Variants in ULK2 observed in about 807,000 individuals in gnomAD.
ULK2 encodes the protein unc-51 like autophagy activating kinase 2.
A neutral mutation model predicts 127.5 loss-of-function variants in ULK2; 76 were observed. The observed-to-expected ratio is 0.60, with a 90% CI of 0.50 to 0.72. The LOEUF (loss-of-function observed/expected upper bound fraction) is 0.72, where lower values mean the gene tolerates loss of function less well. ULK2 is among the 30% of genes least tolerant of loss of function. ULK2 has a pLI of 0.00. For synonymous variants in ULK2, 452 were observed against 461.9 expected, an observed-to-expected ratio of 0.98 and a Z score of 0.28; for missense variants, 1,144 against 1,295.9, an observed-to-expected ratio of 0.88 and a Z score of 1.80.
chr17:19,814,449 T>TACA (rs1567696658), intron 13 of ULK2, among the ~76,000 whole-genome samples: 4 of 52,886 alleles, frequency 7.6e-5, no homozygotes, highest in African/African-American at 3.1e-4. Context: ...TTTTTTTTTT[T>TACA]TTTTTTTTTT....
intron 10 of ULK2, among the ~76,000 whole-genome samples, chr17:19,836,549 G>A (rs1390596425): frequency 1.3e-5 from 2 of 151,998 alleles, no homozygotes; most frequent in Admixed American, 1.3e-4. Context: ...AAGTTGCAGT[G>A]AGCCGAGATC....
intron 3 of ULK2, among the ~76,000 whole-genome samples, chr17:19,863,341 C>T (rs553213331): frequency 9.9e-5 from 15 of 152,120 alleles, no homozygotes; most frequent in African/African-American, 2.4e-4. Flanking sequence ...CGAATTCAAC[C>T]GTCCAGACTA....
intron 12 of ULK2, among the ~76,000 whole-genome samples, chr17:19,823,823 T>C (rs2041220811): frequency 6.6e-6 from 1 of 152,204 alleles, no homozygotes; most frequent in South Asian, 2.1e-4. Context: ...CATAATCTGC[T>C]TTATCTATTT....
At position 19,810,823 on chromosome 17, in the gene ULK2, T is replaced by G. The variant is rs537212795; in HGVS notation, c.1097-385A>C. The G allele has an allele frequency of 1.6e-4, 25 of 160,382 alleles. No individual in the cohort carries two copies. In the South Asian group the frequency reaches 3.1e-3, roughly 20 times the overall value. The allele number at this position is 160,382 out of a possible 1,614,324, so 9.9% of individuals were successfully genotyped here. ...TTAATACTATTTGCACATAACTTTA[T>G]TGCAAAATTTTGCAAAGAACATGTA... is the stretch of plus-strand genomic sequence containing the variant. On this transcript the variant is annotated intron_variant, in intron 13 of 26. Transcript: ENST00000395544.
At chr17:19,808,822 G>A (rs140271474) in intron 14 of ULK2, among the ~76,000 whole-genome samples, 11 of 152,296 alleles carry the variant, frequency 7.2e-5, no homozygotes, top group Non-Finnish European at 1.2e-4. Context: ...GTGCACTGTT[G>A]GTTGGACTGT....
At chr17:19,839,665 A>C (rs1392951996) in intron 9 of ULK2, among the ~76,000 whole-genome samples, 2 of 151,636 alleles carry the variant, frequency 1.3e-5, no homozygotes, top group East Asian at 3.9e-4. Flanking sequence ...TGTCTCAAAA[A>C]AAAAAAAAAA....
chr17:19,806,238 T>C (rs2087513185), intron 14 of ULK2, among the ~76,000 whole-genome samples: 1 of 151,948 alleles, frequency 6.6e-6, no homozygotes. Context: ...TGTGAAAGAA[T>C]AAATGCCATT....
At chr17:19,844,593 A>C (rs1231288353) in intron 7 of ULK2, among the ~76,000 whole-genome samples, 3 of 151,904 alleles carry the variant, frequency 2.0e-5, no homozygotes, top group Non-Finnish European at 4.4e-5. Flanking sequence ...ATAAGCAGTA[A>C]AATTATGATC....
chr17:19,816,288 T>A (rs1437999398), intron 13 of ULK2, among the ~76,000 whole-genome samples: 1 of 152,216 alleles, frequency 6.6e-6, no homozygotes, highest in Non-Finnish European at 1.5e-5. Context: ...GTACACTGGC[T>A]CTATTTAGTC....
At chr17:19,778,639 T>C (rs1294530273) in intron 25 of ULK2, among the ~76,000 whole-genome samples, 2 of 152,220 alleles carry the variant, frequency 1.3e-5, no homozygotes, top group African/African-American at 2.4e-5. Context: ...CATTCTTATA[T>C]AGATGGGGTC....
intron 15 of ULK2, among the ~76,000 whole-genome samples, chr17:19,803,100 GACTT>G (rs998133723): frequency 2.0e-5 from 3 of 152,162 alleles, no homozygotes; most frequent in African/African-American, 7.2e-5. Context: ...AAAGTGGAAA[GACTT>G]ACCATTTTTG....
At chr17:19,847,569 G>A (rs946936190) in intron 5 of ULK2, among the ~76,000 whole-genome samples, 2 of 151,448 alleles carry the variant, frequency 1.3e-5, no homozygotes, top group Non-Finnish European at 2.9e-5. Flanking sequence ...TTTTTTTTGA[G>A]ACAAGAGTTT....
chr17:19,815,088 G>A (rs2040952842), intron 13 of ULK2, among the ~76,000 whole-genome samples: 1 of 152,080 alleles, frequency 6.6e-6, no homozygotes, highest in Admixed American at 6.5e-5. Flanking sequence ...GGGCATTTCA[G>A]ATTTTCTAAT....
rs869294657 is a variant in ULK2 at position 19,842,190 on chromosome 17, CTT to C, written c.646-645_646-644del. 1.4e-3 allele frequency among the ~76,000 whole-genome samples: 124 copies of C among 88,372 alleles called. 2 individuals carry two copies. In the Admixed American group the frequency reaches 0.015, roughly 11 times the overall value. The allele number at this position is 88,372 out of a possible 152,430, so 58.0% of individuals were successfully genotyped here. On this transcript the variant is annotated intron_variant, in intron 8 of 26. Coordinates refer to ENST00000395544, the MANE Select transcript of ULK2 (RefSeq NM_014683.4). ...TGGCTGTGTCACTAATTTTCTTTTT[CTT>C]TTTTTTTTTTTTTTTTTTTTTTGAG... is the stretch of plus-strand genomic sequence containing the variant.
chr17:19,859,935 C>T (rs1216532459), intron 3 of ULK2, among the ~76,000 whole-genome samples: 2 of 152,184 alleles, frequency 1.3e-5, no homozygotes, highest in Non-Finnish European at 2.9e-5. Context: ...CTTCAGCTTC[C>T]CAAAGCACTG....
At chr17:19,828,855 A>AT (rs1446552070) in intron 10 of ULK2, among the ~76,000 whole-genome samples, 3 of 152,224 alleles carry the variant, frequency 2.0e-5, no homozygotes, top group Non-Finnish European at 4.4e-5. Flanking sequence ...CACGCCTCTA[A>AT]TCCCAGGCAG....
Position 19,780,473 on chromosome 17 carries a change from A to G in ULK2, c.2915T>C (p.Met972Thr), listed in dbSNP as rs912558087. 11 of 1,608,478 alleles carry G rather than the reference A, an allele frequency of 6.8e-6. No individual in the cohort carries two copies. Among genetic ancestry groups the G allele is most frequent in the South Asian group, 5.6e-5 (5 of 89,530 alleles). ...EKLIYNCAVE[M>T]VQSAALDEMF... ...ATATTAAACCTTAGAAAGGGTTACC[A>G]TTTCTACAGCACAATTATAGATGAG... Residue 972 changes from methionine (M) to threonine (T), a missense_variant and splice_region_variant, in exon 25 of 27, where the codon ATG becomes ACG. By Grantham distance (81) the Met-to-Thr change is moderately conservative (BLOSUM62 -1). Coordinates refer to ENST00000395544, the MANE Select transcript of ULK2 (RefSeq NM_014683.4).
chr17:19,852,326 C>T (rs977175469), intron 3 of ULK2, among the ~76,000 whole-genome samples: 1 of 151,144 alleles, frequency 6.6e-6, no homozygotes, highest in Non-Finnish European at 1.5e-5. Context: ...TCAAGACCAT[C>T]GTGGCTAACG....
chr17:19,805,290 T>A (rs1178147869), intron 14 of ULK2, among the ~76,000 whole-genome samples: 4 of 152,220 alleles, frequency 2.6e-5, no homozygotes, highest in African/African-American at 7.2e-5. Context: ...AAGGAGAACA[T>A]CTTGCACAAA....
Sources: gnomAD v4.1 joint callset for allele counts (sites outside exome capture counted in the v4.1 genomes callset) on GRCh38, gnomAD v4.1.1 for gene constraint, MANE v1.5 for transcripts, NCBI Gene and HGNC (gene_info 2026-07-23, HGNC 2026-07-21) for gene names.